Variants in KALRN observed in about 807,000 individuals in gnomAD.
KALRN encodes kalirin.
A neutral mutation model predicts 353.7 loss-of-function variants in KALRN; 70 were observed. The ratio of observed to expected loss-of-function variants is 0.20; its 90% CI spans 0.16 to 0.24. The LOEUF is 0.24. Among genes scored for constraint, KALRN ranks in the 10% least tolerant of loss-of-function variants. The pLI, the probability that KALRN is intolerant of heterozygous loss-of-function variation, is 1.00. For synonymous variants in KALRN, 1,391 were observed against 1,434.8 expected, an observed-to-expected ratio of 0.97 and a Z score of 0.69; for missense variants, 2,791 against 3,756.7, an observed-to-expected ratio of 0.74 and a Z score of 6.72.
chr3:124,120,711 AATATATAT>A (rs368470724), intron 1 of KALRN, among the ~76,000 whole-genome samples: 1,781 of 98,956 alleles, frequency 0.018, 52 homozygotes, highest in African/African-American at 0.066. Flanking sequence ...GAATACTAAA[AATATATAT>A]ATATATATAT....
At chr3:124,188,654 T>G (rs1164509193) in intron 1 of KALRN, among the ~76,000 whole-genome samples, 1 of 152,104 alleles carries the variant, frequency 6.6e-6, no homozygotes, top group East Asian at 1.9e-4. Flanking sequence ...AGGGGAGGCA[T>G]GTATACTCTA....
At chr3:124,255,188 C>A (rs1377483852) in intron 3 of KALRN, among the ~76,000 whole-genome samples, 1 of 152,186 alleles carries the variant, frequency 6.6e-6, no homozygotes, top group Non-Finnish European at 1.5e-5. Context: ...AAGTGATCTG[C>A]CCGCCTCAGC....
intron 21 of KALRN, among the ~76,000 whole-genome samples, chr3:124,454,276 C>T (rs1034191788): frequency 6.6e-6 from 1 of 152,152 alleles, no homozygotes; most frequent in African/African-American, 2.4e-5. Context: ...AAACTAGGAA[C>T]TAAAGGGCAG....
At chr3:124,390,319 A>G (rs2089159203) in intron 11 of KALRN, among the ~76,000 whole-genome samples, 1 of 152,266 alleles carries the variant, frequency 6.6e-6, no homozygotes, top group South Asian at 2.1e-4. Context: ...GAACATGGCC[A>G]AAGTAACCAG....
intron 1 of KALRN, among the ~76,000 whole-genome samples, chr3:124,051,161 T>A (rs1390707033): frequency 1.3e-5 from 2 of 152,190 alleles, no homozygotes; most frequent in South Asian, 4.1e-4. Context: ...AGCAAGCATG[T>A]AGTGAGCACT....
chr3:124,214,521 C>A (rs1333877540), intron 1 of KALRN, among the ~76,000 whole-genome samples: 1 of 152,190 alleles, frequency 6.6e-6, no homozygotes, highest in South Asian at 2.1e-4. Context: ...GGCAAGGACT[C>A]CTCTTTTCCA....
intron 1 of KALRN, among the ~76,000 whole-genome samples, chr3:124,067,760 T>A (rs1559897044): frequency 6.6e-6 from 1 of 152,214 alleles, no homozygotes; most frequent in Admixed American, 6.5e-5. Flanking sequence ...CACTCACTTT[T>A]TCAGAGAGGC....
chr3:124,373,319 C>A (rs1196146146), intron 10 of KALRN, among the ~76,000 whole-genome samples: 4 of 152,130 alleles, frequency 2.6e-5, no homozygotes, highest in African/African-American at 9.7e-5. Flanking sequence ...CTGACAGTAG[C>A]TGGGGACATT....
chr3:124,646,449 G>A (rs963267521), intron 37 of KALRN, among the ~76,000 whole-genome samples: 1 of 140,424 alleles, frequency 7.1e-6, no homozygotes, highest in Non-Finnish European at 1.5e-5. Context: ...GGAGTGCAGT[G>A]GCATGATCTC....
At position 124,062,526 on chromosome 3, in the gene KALRN, C is replaced by A. The variant is rs189277717; in HGVS notation, c.73+28713C>A. On this transcript the variant is annotated intron_variant, in intron 1 of 59. Coordinates refer to ENST00000682506, the MANE Select transcript of KALRN (RefSeq NM_001388419.1). ...GATTCCTGGGCCACAGCTTAGCCTT[C>A]CTGAATCGGAGTCTCTGGGGACAGG... Among the ~76,000 whole-genome samples the A allele has an allele frequency of 4.0e-4, 60 of 151,874 alleles. 1 individual carries two copies. Among genetic ancestry groups the A allele is most frequent in the East Asian group, 7.8e-4 (4 of 5,136 alleles).
chr3:124,224,178 A>C (rs1276777698), intron 1 of KALRN, among the ~76,000 whole-genome samples: 1 of 149,090 alleles, frequency 6.7e-6, no homozygotes, highest in African/African-American at 2.5e-5. Context: ...TCCTGCAGCA[A>C]CTCCAAGGGC....
rs2080964261 is a variant in KALRN, at chr3:124,334,849, T to C, written c.1647+354T>C. 6.6e-6 allele frequency among the ~76,000 whole-genome samples: 1 copy of C among 152,138 alleles called. No individual in the cohort carries two copies. The highest frequency in any genetic ancestry group is 2.1e-4 in the South Asian group (1 of 4,828). Reference sequence around the variant, plus strand: ...TCGCTCTGCCGCCTGGGCTGGAGTATAGTGGTGTGATCTTGGCTCACTGCA... The same window carrying C: ...TCGCTCTGCCGCCTGGGCTGGAGTACAGTGGTGTGATCTTGGCTCACTGCA... On this transcript the variant is annotated intron_variant, in intron 9 of 59. Transcript: ENST00000682506. This position sits in a 1 kb window ranked among gnomAD's most constrained non-coding sequence, Gnocchi z 4.2.
intron 39 of KALRN, among the ~76,000 whole-genome samples, chr3:124,656,434 C>T (rs1483511154): frequency 1.3e-5 from 2 of 152,016 alleles, no homozygotes; most frequent in African/African-American, 4.8e-5. Context: ...CACGGTGAAA[C>T]CCCGTATCTA....
At chr3:124,565,371 C>T (rs1419070703) in intron 34 of KALRN, among the ~76,000 whole-genome samples, 1 of 152,184 alleles carries the variant, frequency 6.6e-6, no homozygotes, top group East Asian at 1.9e-4. Flanking sequence ...GAATCTGGTT[C>T]CGCTTGAAGT....
intron 10 of KALRN, among the ~76,000 whole-genome samples, chr3:124,370,552 G>A (rs1467997596): frequency 6.6e-6 from 1 of 152,168 alleles, no homozygotes; most frequent in East Asian, 1.9e-4. Context: ...CTCTTGACCA[G>A]TCTGCTTTTG....
intron 3 of KALRN, among the ~76,000 whole-genome samples, chr3:124,240,840 G>A (rs930694607): frequency 9.2e-5 from 14 of 152,274 alleles, no homozygotes; most frequent in Admixed American, 3.9e-4. Flanking sequence ...GGAAAATAAT[G>A]TCTATCTCAT....
Position 124,677,857 on chromosome 3 carries a change from C to T in KALRN, c.7194-333C>T, listed in dbSNP as rs550741243. Among the ~76,000 whole-genome samples the T allele has an allele frequency of 4.2e-4, 64 of 152,352 alleles. 1 individual carries two copies. In the South Asian group the frequency reaches 0.013, roughly 32 times the overall value. ...CCTCACCCATCCACCGTGCCCTTCT[C>T]AAGAGGAATTCCTCAGTCCTGTGAG... On this transcript the variant is annotated intron_variant, in intron 49 of 59. Transcript: ENST00000682506.
intron 1 of KALRN, among the ~76,000 whole-genome samples, chr3:124,205,731 A>G (rs751604753): frequency 6.6e-6 from 1 of 152,194 alleles, no homozygotes; most frequent in Non-Finnish European, 1.5e-5. Flanking sequence ...ATAACAGTAT[A>G]GTACCTTATG....
At chr3:124,087,362 C>T (rs959197630) in intron 1 of KALRN, among the ~76,000 whole-genome samples, 22 of 152,032 alleles carry the variant, frequency 1.4e-4, no homozygotes, top group African/African-American at 5.1e-4. Context: ...AATTAGGCAC[C>T]CTCTGTGACA....
Sources: allele counts gnomAD v4.1 joint callset (sites outside exome capture counted in the v4.1 genomes callset), GRCh38; gene constraint gnomAD v4.1.1; non-coding constraint Gnocchi (gnomAD v3.1); transcripts MANE v1.5; gene names NCBI Gene and HGNC (gene_info 2026-07-23, HGNC 2026-07-21).